SCAPER: variants seen among roughly 807,000 people sequenced by gnomAD.
SCAPER encodes S phase cyclin A-associated protein in the endoplasmic reticulum.
SCAPER carries 98 observed loss-of-function variants against 182.2 expected under a neutral mutation model. The observed-to-expected ratio is 0.54, with a 90% CI of 0.46 to 0.64. The LOEUF (loss-of-function observed/expected upper bound fraction) is 0.64, where lower values mean the gene tolerates loss of function less well. Among genes scored for constraint, SCAPER ranks in the 30% least tolerant of loss-of-function variants. The probability of loss-of-function intolerance (pLI) is 0.00; values close to 1 mark genes in which losing one functional copy is unlikely to be tolerated. For synonymous variants in SCAPER, 605 were observed against 564.6 expected (o/e 1.07, Z -1.01); for missense variants, 1,432 against 1,690.0 (o/e 0.85, Z 2.68).
chr15:76,454,427 T>C (rs948091627), intron 25 of SCAPER, among the ~76,000 whole-genome samples: 1 of 152,186 alleles, frequency 6.6e-6, no homozygotes, highest in Non-Finnish European at 1.5e-5. Flanking sequence ...ATACATTTAA[T>C]TTATTTTTGG....
intron 24 of SCAPER, among the ~76,000 whole-genome samples, chr15:76,498,016 A>AAAT (rs1258440041): frequency 6.7e-6 from 1 of 149,256 alleles, no homozygotes; most frequent in Non-Finnish European, 1.5e-5. Context: ...AAAAAAAAAA[A>AAAT]AAAATAAGCA....
intron 13 of SCAPER, 132 bp from the exon 14 acceptor site, chr15:76,765,204 T>C: frequency 9.8e-7 from 1 of 1,024,638 alleles, no homozygotes; most frequent in Non-Finnish European, 1.4e-6. Context: ...GAAAGCTTTG[T>C]TACTTTTCAA....
chr15:76,583,249 G>C (rs751546481), intron 22 of SCAPER, among the ~76,000 whole-genome samples: 71 of 151,990 alleles, frequency 4.7e-4, no homozygotes, highest in Middle Eastern at 3.4e-3. Flanking sequence ...TACTCGGGAG[G>C]CTGAGGCAGG....
In SCAPER at chr15:76,841,740, T is replaced by C; in HGVS notation, c.387A>G (p.Glu129=). 2 of 1,613,788 alleles carry C rather than the reference T, an allele frequency of 1.2e-6. No homozygotes were observed. Among genetic ancestry groups the C allele is most frequent in the African/African-American group, 2.7e-5 (2 of 75,038 alleles). ...VTCESDQSVV[E]CKEVLMMLDN... Reference sequence around the variant, plus strand: ...GCCTCAAAGCAAACCTTACCTTACATTCGACCACACTCTGATCTGATTCGC... The same window carrying C: ...GCCTCAAAGCAAACCTTACCTTACACTCGACCACACTCTGATCTGATTCGC... Residue 129 remains glutamate (E), a synonymous_variant, in exon 5 of 32, where the codon GAA becomes GAG. Transcript: ENST00000563290.
At chr15:76,525,463 C>A (rs1263268066) in intron 23 of SCAPER, among the ~76,000 whole-genome samples, 2 of 151,972 alleles carry the variant, frequency 1.3e-5, no homozygotes, top group African/African-American at 2.4e-5. Flanking sequence ...TGAGGTTGAG[C>A]CCATCACCCA....
intron 15 of SCAPER, among the ~76,000 whole-genome samples, chr15:76,742,530 T>C (rs927058857): frequency 7.0e-6 from 1 of 143,722 alleles, no homozygotes; most frequent in African/African-American, 2.6e-5. Context: ...CTAGACATGC[T>C]GCAACTGAAA....
chr15:76,462,281 T>C (rs542082259), intron 25 of SCAPER, among the ~76,000 whole-genome samples: 1 of 152,194 alleles, frequency 6.6e-6, no homozygotes, highest in Admixed American at 6.5e-5. Context: ...TGGTCCTTAG[T>C]ACTTTTCAGG....
chr15:76,892,485 A>T (rs151036594), intron 1 of SCAPER, among the ~76,000 whole-genome samples: 57,761 of 151,970 alleles, frequency 0.38, 13,013 homozygotes, highest in Middle Eastern at 0.52. Context: ...AAGAAAAAAA[A>T]CAACCCCAGC....
chr15:76,823,984 A>G (rs2067784636), intron 5 of SCAPER, among the ~76,000 whole-genome samples: 1 of 152,154 alleles, frequency 6.6e-6, no homozygotes, highest in African/African-American at 2.4e-5. Flanking sequence ...GCAAAGAGAA[A>G]GTATATTTGG....
At chr15:76,670,862 C>T (rs1449629058) in intron 20 of SCAPER, among the ~76,000 whole-genome samples, 1 of 152,012 alleles carries the variant, frequency 6.6e-6, no homozygotes, top group Non-Finnish European at 1.5e-5. Flanking sequence ...AGAGAGATCA[C>T]CTTTTGATGA....
intron 17 of SCAPER, among the ~76,000 whole-genome samples, chr15:76,721,501 A>G (rs1053243103): frequency 2.0e-5 from 3 of 151,922 alleles, no homozygotes; most frequent in African/African-American, 7.3e-5. Flanking sequence ...CATTGAATCT[A>G]TAAATTACCT....
intron 17 of SCAPER, among the ~76,000 whole-genome samples, chr15:76,708,795 A>G (rs1048119364): frequency 2.0e-5 from 3 of 152,114 alleles, no homozygotes; most frequent in African/African-American, 7.2e-5. Context: ...GCTGGGCACG[A>G]TGACTCACAC....
chr15:76,874,196 C>T lies in SCAPER; in HGVS notation c.6+9616G>A, dbSNP rs2072988752. ...GGCATGAGCTACCGCACCCTGCCAA[C>T]CAATACATTTCTAAATAACTTGGGG... On this transcript the variant is annotated intron_variant, in intron 2 of 31. Coordinates refer to ENST00000563290, the MANE Select transcript of SCAPER (RefSeq NM_020843.4). Among the ~76,000 whole-genome samples the T allele has an allele frequency of 2.6e-5, 4 of 152,020 alleles. No individual in the cohort carries two copies. In the South Asian group the frequency reaches 8.3e-4, roughly 32 times the overall value.
At chr15:76,626,920 T>C (rs2052635527) in intron 21 of SCAPER, among the ~76,000 whole-genome samples, 1 of 152,204 alleles carries the variant, frequency 6.6e-6, no homozygotes, top group Non-Finnish European at 1.5e-5. Context: ...ATACAAGTTA[T>C]GCTTAGAACA....
intron 24 of SCAPER, among the ~76,000 whole-genome samples, chr15:76,497,654 G>A (rs539461799): frequency 6.6e-6 from 1 of 152,178 alleles, no homozygotes; most frequent in African/African-American, 2.4e-5. Flanking sequence ...AATAGTAGAT[G>A]AGTCCCAAAG....
rs563684519 is a variant in SCAPER at position 76,788,399 on chromosome 15, T to C, written c.772+6881A>G. ...AAAATGAACAGAAAAGAGACAATTT[T>C]TGAGGTTTATTTTTGTAAAACTGAA... On this transcript the variant is annotated intron_variant, in intron 8 of 31. Transcript: ENST00000563290. Among the ~76,000 whole-genome samples the C allele has an allele frequency of 1.1e-4, 16 of 152,312 alleles. 1 individual carries two copies. In the South Asian group the frequency reaches 3.1e-3, roughly 30 times the overall value.
intron 23 of SCAPER, among the ~76,000 whole-genome samples, chr15:76,568,482 A>G (rs566693022): frequency 6.6e-6 from 1 of 151,856 alleles, no homozygotes; most frequent in African/African-American, 2.4e-5. Flanking sequence ...CAGACTCCCA[A>G]GTAGCTGTGA....
chr15:76,509,329 C>T (rs2041843653), intron 23 of SCAPER, among the ~76,000 whole-genome samples: 1 of 152,102 alleles, frequency 6.6e-6, no homozygotes, highest in South Asian at 2.1e-4. Context: ...ACACTTCTTG[C>T]CTCTTCTATC....
At chr15:76,373,839 G>A (rs1010687384) in intron 29 of SCAPER, among the ~76,000 whole-genome samples, 5 of 152,068 alleles carry the variant, frequency 3.3e-5, no homozygotes, top group Admixed American at 6.5e-5. Context: ...ACAGAGCAGG[G>A]CTTAGTGTCC....
Sources: allele counts gnomAD v4.1 joint callset (sites outside exome capture counted in the v4.1 genomes callset), GRCh38; gene constraint gnomAD v4.1.1; transcripts MANE v1.5; gene names NCBI Gene and HGNC (gene_info 2026-07-23, HGNC 2026-07-21).